The following ATP9B variants were observed in gnomAD, a reference collection of about 807,000 sequenced individuals.
ATP9B encodes ATPase phospholipid transporting 9B, also known as probable phospholipid-transporting ATPase IIB.
A neutral mutation model predicts 146.1 loss-of-function variants in ATP9B; 110 were observed. The ratio of observed to expected loss-of-function variants is 0.75; its 90% confidence interval spans 0.65 to 0.88. The LOEUF (loss-of-function observed/expected upper bound fraction) is 0.88. Among genes scored for constraint, ATP9B ranks in the 40% least tolerant of loss-of-function variants. The probability of loss-of-function intolerance (pLI) is 0.00; values close to 1 mark genes in which losing one functional copy is unlikely to be tolerated. For missense variants in ATP9B, 1,499 were observed against 1,496.4 expected, an observed-to-expected ratio of 1.00 and a Z score of -0.03; for synonymous variants, 604 against 569.7, an observed-to-expected ratio of 1.06 and a Z score of -0.86.
chr18:79,077,812 A>G (rs983135060), intron 1 of ATP9B, among the ~76,000 whole-genome samples: 5 of 152,150 alleles, frequency 3.3e-5, no homozygotes, highest in African/African-American at 9.7e-5. Context: ...GAAATGCCCA[A>G]TCTGTATTTT....
chr18:79,092,867 T>C (rs903277919), intron 1 of ATP9B, among the ~76,000 whole-genome samples: 2 of 152,090 alleles, frequency 1.3e-5, no homozygotes, highest in Non-Finnish European at 2.9e-5. Context: ...TTTTAAAAAA[T>C]AAATAGAAAA....
At chr18:79,083,395 C>G (rs964323060) in intron 1 of ATP9B, among the ~76,000 whole-genome samples, 1 of 152,152 alleles carries the variant, frequency 6.6e-6, no homozygotes, top group African/African-American at 2.4e-5. Context: ...GGCTTCAGCC[C>G]CCTTTCCAGA....
intron 10 of ATP9B, among the ~76,000 whole-genome samples, chr18:79,212,196 A>C (rs1336227077): frequency 6.6e-6 from 1 of 152,238 alleles, no homozygotes; most frequent in Non-Finnish European, 1.5e-5. Context: ...AGATATTAAA[A>C]AGCATGACAC....
At chr18:79,174,654 G>GT (rs1403983753) in intron 7 of ATP9B, among the ~76,000 whole-genome samples, 1 of 152,180 alleles carries the variant, frequency 6.6e-6, no homozygotes, top group Non-Finnish European at 1.5e-5. Context: ...GATTGTGTGA[G>GT]TGCATACACA....
intron 27 of ATP9B, 33 bp downstream of exon 27, chr18:79,372,915 G>T: frequency 1.3e-6 from 2 of 1,487,600 alleles, no homozygotes; most frequent in South Asian, 1.2e-5. Flanking sequence ...CTGGACTAAA[G>T]ATTTTTTTAT....
At chr18:79,070,516 G>A (rs1311192078) in intron 1 of ATP9B, among the ~76,000 whole-genome samples, 1 of 152,204 alleles carries the variant, frequency 6.6e-6, no homozygotes, top group Non-Finnish European at 1.5e-5. Flanking sequence ...TGTGTAAGGT[G>A]CCCTTTTTTC....
intron 15 of ATP9B, among the ~76,000 whole-genome samples, chr18:79,316,415 T>G (rs1222522569): frequency 6.6e-6 from 1 of 152,114 alleles, no homozygotes; most frequent in Admixed American, 6.5e-5. Context: ...ACCTGAGAAT[T>G]TCCATCCACC....
intron 9 of ATP9B, chr18:79,194,586 A>G (rs1393033602): frequency 6.6e-6 from 1 of 152,218 alleles, no homozygotes; most frequent in Admixed American, 6.5e-5. Context: ...AAGAGAAATG[A>G]TAAATACAGA....
chr18:79,310,524 A>G (rs1013236384), intron 15 of ATP9B, among the ~76,000 whole-genome samples: 2 of 152,220 alleles, frequency 1.3e-5, no homozygotes, highest in Non-Finnish European at 2.9e-5. Context: ...TCTCTTGTCT[A>G]GGCTTCTAGA....
At chr18:79,324,631 T>G (rs969603844) in intron 15 of ATP9B, among the ~76,000 whole-genome samples, 1 of 152,116 alleles carries the variant, frequency 6.6e-6, no homozygotes. Context: ...GACCAACAGG[T>G]GCTGACCAGG....
chr18:79,344,434 C>G (rs1287920601), intron 21 of ATP9B, 80 bp downstream of exon 21: 2 of 1,322,308 alleles, frequency 1.5e-6, no homozygotes, highest in Non-Finnish European at 2.2e-6. Flanking sequence ...GTCTGTTTGT[C>G]TCTCAGGCAA....
At chr18:79,118,517 C>T (rs989597683) in intron 4 of ATP9B, among the ~76,000 whole-genome samples, 13 of 149,486 alleles carry the variant, frequency 8.7e-5, no homozygotes, top group African/African-American at 3.2e-4. Context: ...TCTCCTGCCT[C>T]AGCCTTCCAA....
At chr18:79,200,698 G>GC (rs2095461672) in intron 9 of ATP9B, among the ~76,000 whole-genome samples, 1 of 152,242 alleles carries the variant, frequency 6.6e-6, no homozygotes, top group Non-Finnish European at 1.5e-5. Flanking sequence ...GAGTAAATGT[G>GC]TTTATGTCAG....
At position 79,327,611 on chromosome 18, in the gene ATP9B, G is replaced by A. The variant is rs112474265; in HGVS notation, c.1774-1530G>A. On this transcript the variant is annotated intron_variant, in intron 15 of 29. Transcript: ENST00000426216. ...GGTTAACGTGCCCTCCGTGGTTAGC[G>A]TGCCCTCCCTGGTTAGTGTGCCCTC... 8.5e-4 allele frequency among the ~76,000 whole-genome samples: 118 copies of A among 138,554 alleles called. 9 individuals carry two copies. The highest frequency in any genetic ancestry group is 3.0e-3 in the African/African-American group (101 of 33,928). The allele number at this position is 138,554 out of a possible 152,430, so 90.9% of individuals were successfully genotyped here.
intron 9 of ATP9B, among the ~76,000 whole-genome samples, chr18:79,196,269 A>G (rs983848260): frequency 6.6e-6 from 1 of 152,226 alleles, no homozygotes; most frequent in African/African-American, 2.4e-5. Context: ...TGTGTTGTAC[A>G]CATGAGCCTT....
At chr18:79,363,063 G>T (rs1034567536) in intron 26 of ATP9B, 2 of 147,906 alleles carry the variant, frequency 1.4e-5, no homozygotes, top group Admixed American at 1.3e-4. Flanking sequence ...ATCTCTGTTT[G>T]TGGATGCTAT....
intron 8 of ATP9B, among the ~76,000 whole-genome samples, chr18:79,178,419 C>A (rs1600204845): frequency 6.6e-6 from 1 of 152,150 alleles, no homozygotes; most frequent in East Asian, 1.9e-4. Flanking sequence ...TGCTTGTTTG[C>A]CATCTGCTTG....
intron 12 of ATP9B, among the ~76,000 whole-genome samples, chr18:79,266,247 G>A (rs138639162): frequency 9.8e-4 from 149 of 152,008 alleles, no homozygotes; most frequent in African/African-American, 3.2e-3. Flanking sequence ...CGTAAATATC[G>A]TTCTTAAAGG....
Position 79,069,396 on chromosome 18 carries a change from AG to A in ATP9B, c.-11del. 1 of 1,483,746 alleles carries A rather than the reference AG, an allele frequency of 6.7e-7. No homozygotes were observed. Among genetic ancestry groups the A allele is most frequent in the Non-Finnish European group, 9.0e-7 (1 of 1,115,194 alleles). 91.9% of individuals were successfully genotyped at this position (1,483,746 alleles called of 1,614,324 possible). A position where few individuals can be genotyped will look rare whatever the true frequency, so the allele number is the denominator to read the frequency against. ...GAGGGGAAAGTGGGAGGGGCGGGAA[AG>A]GGGCGGTCGGAACATGGCGGACCAG... On this transcript the variant is annotated 5_prime_UTR_variant, in exon 1 of 30. Transcript: ENST00000426216.
Sources: gnomAD v4.1 joint callset for allele counts (sites outside exome capture counted in the v4.1 genomes callset) on GRCh38, gnomAD v4.1.1 for gene constraint, MANE v1.5 for transcripts, NCBI Gene and HGNC (gene_info 2026-07-23, HGNC 2026-07-21) for gene names.